PDGFD: variants seen among roughly 807,000 people sequenced by gnomAD.
PDGFD encodes platelet-derived growth factor D.
A neutral mutation model predicts 44.7 loss-of-function variants in PDGFD; 30 were observed. That is an observed-to-expected ratio of 0.67 (90% CI 0.50 to 0.91). The LOEUF (loss-of-function observed/expected upper bound fraction) is 0.91. Among genes scored for constraint, PDGFD ranks in the 40% least tolerant of loss-of-function variants. PDGFD has a pLI of 0.00. For missense variants in PDGFD, 445 were observed against 457.8 expected (o/e 0.97, Z 0.25); for synonymous variants, 173 against 168.4 (o/e 1.03, Z -0.21).
chr11:104,009,428 G>GTATTATTATTATTATTAT (rs1316090807), intron 1 of PDGFD, among the ~76,000 whole-genome samples: 1 of 120,098 alleles, frequency 8.3e-6, no homozygotes, highest in South Asian at 2.6e-4. Flanking sequence ...TCTTGCAAAT[G>GTATTATTATTATTATTAT]CATTATTATT....
rs895206003 is a variant in PDGFD at position 104,106,085 on chromosome 11, C to T, written c.124+57719G>A. ...AGCACCACAGGGAGTTTAGGTAATA[C>T]ATATATTAGAAACTTATATTTCTGA... is the stretch of plus-strand genomic sequence containing the variant. On this transcript the variant is annotated intron_variant, in intron 1 of 6. Transcript: ENST00000393158. Among the ~76,000 whole-genome samples, 38 of 152,040 alleles carry T rather than the reference C, an allele frequency of 2.5e-4. 1 individual carries two copies. Among genetic ancestry groups the T allele is most frequent in the African/African-American group, 7.7e-4 (32 of 41,406 alleles).
chr11:104,144,657 T>C (rs896431048), intron 1 of PDGFD, among the ~76,000 whole-genome samples: 9 of 152,198 alleles, frequency 5.9e-5, no homozygotes, highest in African/African-American at 1.9e-4. Context: ...TCACCAATCT[T>C]ACTGAAGCTG....
intron 1 of PDGFD, among the ~76,000 whole-genome samples, chr11:104,004,854 G>C (rs1420119854): frequency 4.3e-5 from 6 of 137,962 alleles, no homozygotes; most frequent in Non-Finnish European, 9.3e-5. Context: ...ACGACTTTGA[G>C]ATAGGTATTA....
At chr11:104,105,472 CATGGGTAAGA>C (rs1229539710) in intron 1 of PDGFD, among the ~76,000 whole-genome samples, 15 of 152,084 alleles carry the variant, frequency 9.9e-5, no homozygotes, top group Non-Finnish European at 1.3e-4. Flanking sequence ...ACCATGTTTA[CATGGGTAAGA>C]AAAAGCATTT....
chr11:103,932,306 C>A (rs920405803), intron 5 of PDGFD, among the ~76,000 whole-genome samples: 1 of 152,034 alleles, frequency 6.6e-6, no homozygotes, highest in Non-Finnish European at 1.5e-5. Flanking sequence ...AGCTATTAAA[C>A]CTCTATTATA....
In PDGFD at chr11:104,017,294, G is replaced by A. The variant is rs567250387; in HGVS notation, c.125-17039C>T. ...GGTATTTTATTATGGCAGCTTGAGC[G>A]GACTAAGGTACCCTCTTTACTTAGA... is the stretch of plus-strand genomic sequence containing the variant. On this transcript the variant is annotated intron_variant, in intron 1 of 6. Coordinates refer to ENST00000393158, the MANE Select transcript of PDGFD (RefSeq NM_025208.5). Among the ~76,000 whole-genome samples the A allele has an allele frequency of 4.5e-4, 68 of 152,198 alleles. 1 individual carries two copies. In the South Asian group the frequency reaches 0.01, roughly 23 times the overall value.
rs1857970596 is a variant in PDGFD, at chr11:103,908,342, G to A, written c.*1352C>T. 6.6e-6 allele frequency: 1 copy of A among 152,066 alleles called. No homozygotes were observed. Among genetic ancestry groups the A allele is most frequent in the Non-Finnish European group, 1.5e-5 (1 of 68,028 alleles). The allele number at this position is 152,066 out of a possible 1,614,324, so 9.4% of individuals were successfully genotyped here. A position where few individuals can be genotyped will look rare whatever the true frequency, so the allele number is the denominator to read the frequency against. ...ATTACTCTAAATACCATTAACCAATGTAAAACAGTTTTCTATTAAACAGTA... is the reference window on the plus strand; with the variant it reads ...ATTACTCTAAATACCATTAACCAATATAAAACAGTTTTCTATTAAACAGTA... On this transcript the variant is annotated 3_prime_UTR_variant, in exon 7 of 7. Coordinates refer to ENST00000393158, the MANE Select transcript of PDGFD (RefSeq NM_025208.5).
intron 1 of PDGFD, among the ~76,000 whole-genome samples, chr11:104,012,871 G>A (rs1194296278): frequency 6.6e-6 from 1 of 152,222 alleles, no homozygotes; most frequent in Non-Finnish European, 1.5e-5. Flanking sequence ...ACATGGCCAT[G>A]TTATGGACAA....
chr11:104,002,268 C>G (rs1591115988), intron 1 of PDGFD, among the ~76,000 whole-genome samples: 2 of 152,166 alleles, frequency 1.3e-5, no homozygotes, highest in Non-Finnish European at 2.9e-5. Flanking sequence ...GCTCTGTGTC[C>G]CCACCCAAAT....
intron 1 of PDGFD, among the ~76,000 whole-genome samples, chr11:104,052,660 T>G (rs959003415): frequency 4.6e-5 from 7 of 152,142 alleles, no homozygotes; most frequent in Non-Finnish European, 1.0e-4. Context: ...ATGGCTGACA[T>G]GAGCAGAGGT....
chr11:103,921,818 T>C (rs1858227441), intron 6 of PDGFD, among the ~76,000 whole-genome samples: 1 of 127,434 alleles, frequency 7.8e-6, no homozygotes, highest in African/African-American at 2.9e-5. Flanking sequence ...AGGTATAGGC[T>C]TGTGCCATTC....
At chr11:104,068,912 T>C (rs7951695) in intron 1 of PDGFD, among the ~76,000 whole-genome samples, 30,951 of 152,084 alleles carry the variant, frequency 0.2, 3,895 homozygotes, top group East Asian at 0.34. Flanking sequence ...CCCTAAATAT[T>C]TCAGTGTGCA....
intron 3 of PDGFD, among the ~76,000 whole-genome samples, chr11:103,991,126 G>C (rs1859444586): frequency 6.7e-6 from 1 of 149,048 alleles, no homozygotes; most frequent in Non-Finnish European, 1.5e-5. Context: ...GCGACAGAAA[G>C]AGACTCCAAC....
intron 1 of PDGFD, among the ~76,000 whole-genome samples, chr11:104,114,890 T>C (rs369936188): frequency 6.2e-5 from 8 of 128,736 alleles, no homozygotes; most frequent in Admixed American, 1.7e-4. Context: ...TTTTTTTTTT[T>C]GTTTTTTCAA....
intron 1 of PDGFD, among the ~76,000 whole-genome samples, chr11:104,111,350 TC>T (rs1233780560): frequency 2.1e-5 from 3 of 142,722 alleles, no homozygotes; most frequent in Non-Finnish European, 4.6e-5. Context: ...AACCTCCACC[TC>T]CCCGAGGCTC....
At chr11:103,953,679 A>T (rs190521442) in intron 3 of PDGFD, among the ~76,000 whole-genome samples, 1 of 152,346 alleles carries the variant, frequency 6.6e-6, no homozygotes, top group African/African-American at 2.4e-5. Flanking sequence ...AGGTTTATTT[A>T]TCTCATAAAG....
intron 1 of PDGFD, among the ~76,000 whole-genome samples, chr11:104,091,664 T>C (rs1861214536): frequency 6.6e-6 from 1 of 152,188 alleles, no homozygotes; most frequent in Non-Finnish European, 1.5e-5. Flanking sequence ...GACTTACTCC[T>C]TAGGAATTAG....
At chr11:104,129,595 G>C (rs935793294) in intron 1 of PDGFD, among the ~76,000 whole-genome samples, 2 of 152,028 alleles carry the variant, frequency 1.3e-5, no homozygotes, top group African/African-American at 2.4e-5. Flanking sequence ...AAAGCAGCAG[G>C]GTGCAAAAAT....
At chr11:103,966,360 T>C (rs1859019975) in intron 3 of PDGFD, among the ~76,000 whole-genome samples, 1 of 152,180 alleles carries the variant, frequency 6.6e-6, no homozygotes, top group Non-Finnish European at 1.5e-5. Context: ...ATTTCTACAG[T>C]TGTTATTCAG....
Sources: gnomAD v4.1 joint callset for allele counts (sites outside exome capture counted in the v4.1 genomes callset) on GRCh38, gnomAD v4.1.1 for gene constraint, MANE v1.5 for transcripts, NCBI Gene and HGNC (gene_info 2026-07-23, HGNC 2026-07-21) for gene names.